Variants in CYGB observed in about 807,000 individuals in gnomAD.
CYGB encodes the protein cytoglobin.
Under a neutral mutation model 20.7 loss-of-function variants are expected in CYGB, and 13 were observed. That is an observed-to-expected ratio of 0.63 (90% CI 0.41 to 1.00). The LOEUF (loss-of-function observed/expected upper bound fraction) is 1.00, where lower values mean the gene tolerates loss of function less well. CYGB is among the 50% of genes least tolerant of loss of function. The pLI is 0.00. For missense variants in CYGB, 218 were observed against 257.2 expected (o/e 0.85, Z 1.04); for synonymous variants, 93 against 107.4 (o/e 0.87, Z 0.83).
intron 1 of CYGB, chr17:76,545,531 G>A (rs1270255002): frequency 5.6e-6 from 2 of 359,176 alleles, no homozygotes; most frequent in African/African-American, 2.1e-5. Flanking sequence ...CTGGTCTAGG[G>A]TGCTGGCTAC....
chr17:76,531,201 C>T lies in CYGB; in HGVS notation c.376-59G>A. 6.5e-7 allele frequency: 1 copy of T among 1,540,678 alleles called. No individual in the cohort carries two copies. ...CCGGGCGCCCTGCGTCCTGCAACCC[C>T]CAGGCCCCTCCGCCCCACGTGTGGC... On this transcript the variant is annotated intron_variant, in intron 2 of 3. Transcript: ENST00000293230. This position sits in a 1 kb window ranked among gnomAD's most constrained non-coding sequence, Gnocchi z 7.4.
chr17:76,538,591 C>T, upstream of CYGB: 1 of 433,294 alleles, frequency 2.3e-6, no homozygotes, highest in Non-Finnish European at 4.8e-6. Flanking sequence ...CAGACAGGAC[C>T]TGGCAGACAA....
chr17:76,538,993 T>C (rs1161545704), upstream of CYGB, among the ~76,000 whole-genome samples: 1 of 152,238 alleles, frequency 6.6e-6, no homozygotes, highest in African/African-American at 2.4e-5. Flanking sequence ...CTGGCCAGCC[T>C]CAGCTGCAGC....
chr17:76,535,806 G>A (rs1190303250), intron 1 of CYGB, among the ~76,000 whole-genome samples: 1 of 152,184 alleles, frequency 6.6e-6, no homozygotes, highest in Non-Finnish European at 1.5e-5. Context: ...AGGTTCAATG[G>A]TGTTCCATGA....
chr17:76,528,773 C>A lies in CYGB; in HGVS notation c.540-162G>T. On this transcript the variant is annotated intron_variant, in intron 3 of 3. Transcript: ENST00000293230. The surrounding 1 kb of genome is among the most constrained non-coding windows in gnomAD (Gnocchi z 5.8). ...GTGAGACCCAAGTTCTAGTCTCCGT[C>A]CTGCTACGAACGTGCTGTGTGATCT... 1 of 1,008,032 alleles carries A rather than the reference C, an allele frequency of 9.9e-7. No individual in the cohort carries two copies. 62.4% of individuals were successfully genotyped at this position (1,008,032 alleles called of 1,614,324 possible).
chr17:76,530,967 C>T lies in CYGB; in HGVS notation c.539+12G>A. ...GGGAGGCTGCCCAGCCCACCCTCGCCCGCCTCCTCACGTGGTGGCGTTGGG... is the reference window on the plus strand; with the variant it reads ...GGGAGGCTGCCCAGCCCACCCTCGCTCGCCTCCTCACGTGGTGGCGTTGGG... On this transcript the variant is annotated intron_variant, in intron 3 of 3. Transcript: ENST00000293230. The surrounding 1 kb of genome is among the most constrained non-coding windows in gnomAD (Gnocchi z 6.1). The T allele has an allele frequency of 6.4e-7, 1 of 1,574,142 alleles. No homozygotes were observed. The highest frequency in any genetic ancestry group is 8.6e-7 in the Non-Finnish European group (1 of 1,158,242).
intron 1 of CYGB, chr17:76,543,782 G>T: frequency 2.1e-6 from 1 of 470,698 alleles, no homozygotes; most frequent in South Asian, 1.5e-5. Flanking sequence ...ACTCGCTTTT[G>T]TGTCATTTGC....
At chr17:76,548,186 TAC>T (rs776896198) in intron 1 of CYGB, among the ~76,000 whole-genome samples, 1 of 151,090 alleles carries the variant, frequency 6.6e-6, no homozygotes, top group Non-Finnish European at 1.5e-5. Flanking sequence ...CACCGACACA[TAC>T]ACATTTACAC....
chr17:76,538,459 C>T (rs1186024219), upstream of CYGB: 1 of 460,708 alleles, frequency 2.2e-6, no homozygotes, highest in East Asian at 7.5e-5. Flanking sequence ...TGCACGAACG[C>T]GGCGGCGGCG....
At chr17:76,550,138 T>G (rs1304741092) in intron 1 of CYGB, 2 of 151,870 alleles carry the variant, frequency 1.3e-5, no homozygotes, top group Non-Finnish European at 2.9e-5. Flanking sequence ...GTATTTTTAG[T>G]AGAGACGGGG....
chr17:76,544,480 G>C, intron 1 of CYGB: 1 of 455,826 alleles, frequency 2.2e-6, no homozygotes, highest in South Asian at 1.5e-5. Context: ...CCTGGCTGGG[G>C]TGTGTGCGAA....
Position 76,531,146 on chromosome 17 carries a change from G to A in CYGB, c.376-4C>T. The A allele has an allele frequency of 6.2e-7, 1 of 1,611,870 alleles. No individual in the cohort carries two copies. Among genetic ancestry groups the A allele is most frequent in the Non-Finnish European group, 8.5e-7 (1 of 1,178,694 alleles). On this transcript the variant is annotated splice_polypyrimidine_tract_variant and splice_region_variant and intron_variant, in intron 2 of 3. Transcript: ENST00000293230. The surrounding 1 kb of genome is among the most constrained non-coding windows in gnomAD (Gnocchi z 7.4). ...CCAGAATGACCCCAGAGAGGATCTG[G>A]GGGCAAAGGGAGGAAGGGGGAGTGA...
At chr17:76,540,123 G>T, upstream of CYGB, 1 of 1,594,910 alleles carries the variant, frequency 6.3e-7, no homozygotes, top group Non-Finnish European at 8.5e-7. The surrounding 1 kb of genome is among the most constrained non-coding windows in gnomAD (Gnocchi z 5.0). Context: ...GGCCTGGGAG[G>T]GGATGGGGCA....
Position 76,531,206 on chromosome 17 carries a change from C to A in CYGB, c.376-64G>T. The A allele has an allele frequency of 6.6e-7, 1 of 1,517,432 alleles. No homozygotes were observed. 94.0% of individuals were successfully genotyped at this position (1,517,432 alleles called of 1,614,324 possible). ...CGCCCTGCGTCCTGCAACCCCCAGG[C>A]CCCTCCGCCCCACGTGTGGCCGAGA... On this transcript the variant is annotated intron_variant, in intron 2 of 3. Transcript: ENST00000293230. This position sits in a 1 kb window ranked among gnomAD's most constrained non-coding sequence, Gnocchi z 7.4.
In CYGB at chr17:76,537,510, C is replaced by T; in HGVS notation, c.33G>A (p.Glu11=). 6.3e-7 allele frequency: 1 copy of T among 1,576,644 alleles called. No individual in the cohort carries two copies. The change falls in exon 1 of 4, where the codon GAG becomes GAA. Residue 11 remains glutamate (E), a synonymous_variant. Coordinates refer to ENST00000293230, the MANE Select transcript of CYGB (RefSeq NM_134268.5). MEKVPGEMEI[E]RRERSEELSE... ...ACAGCTCCTCGCTCCGCTCCCTGCG[C>T]TCGATCTCCATCTCGCCTGGCACTT...
Position 76,528,464 on chromosome 17 carries a change from A to T in CYGB, c.*114T>A. On this transcript the variant is annotated 3_prime_UTR_variant, in exon 4 of 4. Transcript: ENST00000293230. This position sits in a 1 kb window ranked among gnomAD's most constrained non-coding sequence, Gnocchi z 5.8. Reference sequence around the variant, plus strand: ...ACAGAGGCCTCCTTCGGGGAAGTTGAGTCAGGGATTCCTCCAGCTTCCTTG... The same window carrying T: ...ACAGAGGCCTCCTTCGGGGAAGTTGTGTCAGGGATTCCTCCAGCTTCCTTG... 1 of 1,002,820 alleles carries T rather than the reference A, an allele frequency of 1.0e-6. No individual in the cohort carries two copies. Among genetic ancestry groups the T allele is most frequent in the Non-Finnish European group, 1.3e-6 (1 of 758,676 alleles). The allele number at this position is 1,002,820 out of a possible 1,614,324, so 62.1% of individuals were successfully genotyped here.
chr17:76,550,867 G>A (rs971424611), exon 1 of CYGB: 15 of 152,224 alleles, frequency 9.9e-5, no homozygotes, highest in African/African-American at 3.1e-4. Flanking sequence ...CTTACCTTGC[G>A]CCAGGCGCTG....
upstream of CYGB, chr17:76,540,560 C>T (rs1221491743): frequency 1.2e-6 from 2 of 1,613,442 alleles, no homozygotes; most frequent in East Asian, 4.5e-5. This position sits in a 1 kb window ranked among gnomAD's most constrained non-coding sequence, Gnocchi z 5.0. Flanking sequence ...TGCGGACCCT[C>T]AGTCCTCAGG....
chr17:76,544,966 A>C (rs1380651233), intron 1 of CYGB: 1 of 456,510 alleles, frequency 2.2e-6, no homozygotes, highest in Admixed American at 2.3e-5. Context: ...GAAGGGCGGG[A>C]AAAAGAGAGG....
Sources: allele counts gnomAD v4.1 joint callset (sites outside exome capture counted in the v4.1 genomes callset), GRCh38; gene constraint gnomAD v4.1.1; non-coding constraint Gnocchi (gnomAD v3.1); transcripts MANE v1.5; gene names NCBI Gene and HGNC (gene_info 2026-07-23, HGNC 2026-07-21).